CAST: variants seen among roughly 807,000 people sequenced by gnomAD.
The protein encoded by CAST is calpastatin.
CAST carries 76 observed loss-of-function variants against 119.6 expected under a neutral mutation model. The observed-to-expected ratio is 0.64, with a 90% CI of 0.53 to 0.77. CAST has a LOEUF of 0.77. Ranked by LOEUF, CAST falls within the 30% of genes least tolerant of loss-of-function variation. The pLI, the probability that CAST is intolerant of heterozygous loss-of-function variation, is 0.00. For synonymous variants in CAST, 319 were observed against 331.6 expected, an observed-to-expected ratio of 0.96 and a Z score of 0.41; for missense variants, 953 against 946.5, an observed-to-expected ratio of 1.01 and a Z score of -0.09.
chr5:96,344,001 A>G, the CAST span, among the ~76,000 whole-genome samples: 4 of 152,224 alleles, frequency 2.6e-5, no homozygotes, highest in African/African-American at 9.6e-5. Flanking sequence ...TTGTTGAATG[A>G]ATTAATGACT....
the CAST span, chr5:96,421,775 A>G: frequency 1.3e-6 from 1 of 788,618 alleles, no homozygotes; most frequent in South Asian, 1.4e-5. Flanking sequence ...GTGCATTAAC[A>G]TTTCCTGAGC....
At chr5:96,723,211 C>T (rs1336155501) in intron 4 of CAST, among the ~76,000 whole-genome samples, 2 of 152,272 alleles carry the variant, frequency 1.3e-5, no homozygotes, top group Non-Finnish European at 2.9e-5. Flanking sequence ...GCAGTCCTTC[C>T]ACCTGGGCCT....
chr5:96,481,346 T>C, the CAST span, among the ~76,000 whole-genome samples: 2 of 152,130 alleles, frequency 1.3e-5, no homozygotes, highest in Admixed American at 6.5e-5. Flanking sequence ...TAAACACAGT[T>C]TTGGTATTTT....
chr5:96,565,554 C>A (rs922645834), intron 1 of CAST, among the ~76,000 whole-genome samples: 1 of 152,148 alleles, frequency 6.6e-6, no homozygotes, highest in Non-Finnish European at 1.5e-5. Context: ...TTAACATGAT[C>A]CTTGGACCAC....
At chr5:96,683,506 T>C (rs894975102) in intron 2 of CAST, among the ~76,000 whole-genome samples, 2 of 152,200 alleles carry the variant, frequency 1.3e-5, no homozygotes, top group African/African-American at 4.8e-5. Flanking sequence ...TGAAATGGCT[T>C]TCCACTTTAA....
chr5:96,285,294 C>T, the CAST span, among the ~76,000 whole-genome samples: 7 of 152,130 alleles, frequency 4.6e-5, no homozygotes, highest in East Asian at 1.2e-3. Flanking sequence ...GTATACGTCA[C>T]GTGTTGATAA....
intron 31 of CAST, 81 bp from the exon 32 acceptor site, chr5:96,772,559 T>C (rs1457230295): frequency 6.5e-6 from 1 of 152,788 alleles, no homozygotes; most frequent in Non-Finnish European, 1.5e-5. Flanking sequence ...ATGCTTTTGC[T>C]AAGTGGTATA....
the CAST span, among the ~76,000 whole-genome samples, chr5:96,212,060 G>C: frequency 6.6e-6 from 1 of 151,834 alleles, no homozygotes; most frequent in African/African-American, 2.4e-5. Flanking sequence ...CAATGTAATT[G>C]ATCTTCTCAA....
chr5:96,364,693 G>C, the CAST span, among the ~76,000 whole-genome samples: 1 of 151,956 alleles, frequency 6.6e-6, no homozygotes, highest in South Asian at 2.1e-4. Context: ...TTTTTATTGC[G>C]TCTATTTGAT....
chr5:96,371,326 A>G, the CAST span, among the ~76,000 whole-genome samples: 4 of 152,182 alleles, frequency 2.6e-5, no homozygotes, highest in Admixed American at 2.0e-4. Context: ...TAAGCTCCCC[A>G]CCTCATGTAG....
chr5:96,740,474 G>T (rs1762442182), intron 12 of CAST, among the ~76,000 whole-genome samples: 2 of 152,054 alleles, frequency 1.3e-5, no homozygotes, highest in African/African-American at 4.8e-5. Context: ...TTCCTTCTGT[G>T]CTTCTATGCA....
chr5:96,299,851 A>G, the CAST span, among the ~76,000 whole-genome samples: 1 of 152,092 alleles, frequency 6.6e-6, no homozygotes, highest in Non-Finnish European at 1.5e-5. Flanking sequence ...TTTTTTGTGG[A>G]ATGATTAAAT....
intron 1 of CAST, among the ~76,000 whole-genome samples, chr5:96,558,092 A>C (rs890657342): frequency 5.3e-5 from 8 of 152,270 alleles, no homozygotes; most frequent in Admixed American, 2.0e-4. Context: ...GAACAACCTG[A>C]TCCTGAATGA....
At chr5:96,332,637 C>T in the CAST span, among the ~76,000 whole-genome samples, 17 of 152,100 alleles carry the variant, frequency 1.1e-4, no homozygotes, top group African/African-American at 3.9e-4. Flanking sequence ...ACGACATGGA[C>T]GTCTACAAAT....
chr5:96,441,390 G>A, the CAST span, among the ~76,000 whole-genome samples: 8 of 151,514 alleles, frequency 5.3e-5, no homozygotes, highest in East Asian at 7.7e-4. Context: ...CCATAAGCCC[G>A]TTGAGAGAGC....
chr5:96,429,439 A>T, the CAST span: 2 of 642,190 alleles, frequency 3.1e-6, no homozygotes, highest in South Asian at 3.6e-5. Flanking sequence ...GGTATCTGAA[A>T]TTAATATTTT....
chr5:96,412,504 T>C, the CAST span: 1 of 1,612,290 alleles, frequency 6.2e-7, no homozygotes, highest in South Asian at 1.1e-5. Flanking sequence ...AGAAACAAAA[T>C]AAACAAAGAC....
chr5:96,606,227 A>AC (rs1435192389), intron 1 of CAST, among the ~76,000 whole-genome samples: 2 of 152,224 alleles, frequency 1.3e-5, no homozygotes, highest in African/African-American at 2.4e-5. Flanking sequence ...AATGTGGACA[A>AC]CCACTGCCCC....
intron 1 of CAST, among the ~76,000 whole-genome samples, chr5:96,542,235 C>T (rs962934357): frequency 3.3e-5 from 5 of 149,796 alleles, no homozygotes; most frequent in African/African-American, 9.9e-5. Flanking sequence ...GCGTGAACCC[C>T]GGGGGGCGGA....
Sources: gnomAD v4.1 joint callset for allele counts (sites outside exome capture counted in the v4.1 genomes callset) on GRCh38, gnomAD v4.1.1 for gene constraint, MANE v1.5 for transcripts, NCBI Gene and HGNC (gene_info 2026-07-23, HGNC 2026-07-21) for gene names.